MBNL1: variants seen among roughly 807,000 people sequenced by gnomAD.
MBNL1 encodes the protein muscleblind-like protein 1.
A neutral mutation model predicts 42.2 loss-of-function variants in MBNL1; 8 were observed. That is an observed-to-expected ratio of 0.19 (90% CI 0.11 to 0.34). The LOEUF (loss-of-function observed/expected upper bound fraction) is 0.34, where lower values mean the gene tolerates loss of function less well. MBNL1 is among the 10% of genes least tolerant of loss of function. The pLI, the probability that MBNL1 is intolerant of heterozygous loss-of-function variation, is 1.00. For missense variants in MBNL1, 309 were observed against 495.3 expected (o/e 0.62, Z 3.57); for synonymous variants, 169 against 173.9 (o/e 0.97, Z 0.22).
chr3:152,285,392 A>G (rs879269281), intron 1 of MBNL1, among the ~76,000 whole-genome samples: 3 of 152,174 alleles, frequency 2.0e-5, no homozygotes, highest in Non-Finnish European at 2.9e-5. Context: ...AGGGATTTTA[A>G]TGGGTCAGTC....
intron 4 of MBNL1, among the ~76,000 whole-genome samples, chr3:152,435,413 A>G (rs2099065800): frequency 6.6e-6 from 1 of 152,152 alleles, no homozygotes. Context: ...CTTTTTTTGC[A>G]CCAGTACCAT....
At chr3:152,291,619 G>T (rs2056051116) in intron 1 of MBNL1, among the ~76,000 whole-genome samples, 1 of 152,180 alleles carries the variant, frequency 6.6e-6, no homozygotes, top group South Asian at 2.1e-4. Flanking sequence ...CATTGTTTTG[G>T]TGATCTGTTT....
intron 2 of MBNL1, among the ~76,000 whole-genome samples, chr3:152,249,621 A>G (rs1253395665): frequency 6.7e-6 from 1 of 150,294 alleles, no homozygotes; most frequent in Non-Finnish European, 1.5e-5. Context: ...TCTTTAGTTT[A>G]ATTAGATCCC....
intron 2 of MBNL1, among the ~76,000 whole-genome samples, chr3:152,261,639 T>C (rs2036300421): frequency 6.6e-6 from 1 of 152,070 alleles, no homozygotes; most frequent in African/African-American, 2.4e-5. Flanking sequence ...CAAGGCCAGT[T>C]TGGGATTCAC....
chr3:152,313,898 C>T (rs560600311), intron 2 of MBNL1, among the ~76,000 whole-genome samples: 1 of 152,210 alleles, frequency 6.6e-6, no homozygotes, highest in Admixed American at 6.5e-5. Flanking sequence ...ATTGTCTGTA[C>T]CTGAAAATTC....
At chr3:152,328,879 C>T (rs756157571) in intron 2 of MBNL1, among the ~76,000 whole-genome samples, 6 of 152,048 alleles carry the variant, frequency 3.9e-5, no homozygotes, top group Non-Finnish European at 7.4e-5. Flanking sequence ...CTGAACAGCA[C>T]GAAACTTGAC....
intron 2 of MBNL1, among the ~76,000 whole-genome samples, chr3:152,330,545 A>T (rs1022242524): frequency 1.3e-5 from 2 of 152,202 alleles, no homozygotes; most frequent in Non-Finnish European, 2.9e-5. Context: ...ACCTAAGATT[A>T]TTATTTGCTA....
intron 2 of MBNL1, among the ~76,000 whole-genome samples, chr3:152,316,866 CTTT>C (rs1386688311): frequency 2.6e-5 from 4 of 151,732 alleles, no homozygotes; most frequent in Non-Finnish European, 5.9e-5. Flanking sequence ...TCTTTTTCTT[CTTT>C]TATTTATTTA....
At chr3:152,310,055 A>T (rs1274701446) in intron 2 of MBNL1, among the ~76,000 whole-genome samples, 1 of 152,252 alleles carries the variant, frequency 6.6e-6, no homozygotes, top group Admixed American at 6.5e-5. Context: ...GAAGTTTGTT[A>T]TGAAATATTT....
chr3:152,273,748 C>T (rs1430155913), intron 1 of MBNL1, among the ~76,000 whole-genome samples: 1 of 152,118 alleles, frequency 6.6e-6, no homozygotes, highest in Non-Finnish European at 1.5e-5. Flanking sequence ...ATATCATGCT[C>T]ATATGCTCCA....
Position 152,438,485 on chromosome 3 carries a change from C to T in MBNL1, c.549+5565C>T, listed in dbSNP as rs1344768432. ...ATGTTTATCATGTGTTAACATTCTC[C>T]TTGGAAACATGTTTGCATTTTGAGC... On this transcript the variant is annotated intron_variant, in intron 4 of 9. Transcript: ENST00000324210. Among the ~76,000 whole-genome samples, 3 of 152,168 alleles carry T rather than the reference C, an allele frequency of 2.0e-5. No homozygotes were observed. In the East Asian group the frequency reaches 5.8e-4, roughly 29 times the overall value.
chr3:152,455,124 T>C (rs530426382), intron 6 of MBNL1, among the ~76,000 whole-genome samples: 1 of 152,336 alleles, frequency 6.6e-6, no homozygotes, highest in East Asian at 1.9e-4. Context: ...CTTTAGTAAG[T>C]TAATATGTGC....
chr3:152,298,938 C>T (rs1248165207), intron 1 of MBNL1: 1 of 152,226 alleles, frequency 6.6e-6, no homozygotes, highest in Non-Finnish European at 1.5e-5. Context: ...AGTGCTTAGA[C>T]TTGTCTGAGA....
intron 1 of MBNL1, among the ~76,000 whole-genome samples, chr3:152,285,712 T>C (rs1351778845): frequency 1.3e-5 from 2 of 148,410 alleles, no homozygotes; most frequent in Non-Finnish European, 3.0e-5. Context: ...TACTGTGGCC[T>C]CCCGGGCTCA....
chr3:152,289,395 G>C (rs545568581), intron 1 of MBNL1, among the ~76,000 whole-genome samples: 1 of 152,000 alleles, frequency 6.6e-6, no homozygotes, highest in African/African-American at 2.4e-5. Flanking sequence ...AGTTAGATAT[G>C]TGAATTATGT....
At chr3:152,247,772 CT>C (rs1305830563) in intron 2 of MBNL1, among the ~76,000 whole-genome samples, 2 of 151,634 alleles carry the variant, frequency 1.3e-5, no homozygotes, top group African/African-American at 2.4e-5. Context: ...TAGGTTTTAA[CT>C]TTTTATTTAA....
intron 3 of MBNL1, among the ~76,000 whole-genome samples, chr3:152,423,952 A>AC (rs2098847592): frequency 1.3e-5 from 2 of 152,222 alleles, no homozygotes; most frequent in African/African-American, 4.8e-5. Flanking sequence ...GCTATTTATG[A>AC]CAAACCCATA....
intron 2 of MBNL1, among the ~76,000 whole-genome samples, chr3:152,394,903 G>A (rs1257882584): frequency 2.6e-5 from 4 of 152,098 alleles, no homozygotes; most frequent in African/African-American, 7.2e-5. Flanking sequence ...TCTATTGCCA[G>A]AGTGGAGCGC....
At chr3:152,458,212 T>C in intron 8 of MBNL1, 1 of 1,611,448 alleles carries the variant, frequency 6.2e-7, no homozygotes, top group Non-Finnish European at 8.5e-7. Context: ...AGCTTCATTA[T>C]GCTTGGAGCA....
Sources: gnomAD v4.1 joint callset for allele counts (sites outside exome capture counted in the v4.1 genomes callset) on GRCh38, gnomAD v4.1.1 for gene constraint, MANE v1.5 for transcripts, NCBI Gene and HGNC (gene_info 2026-07-23, HGNC 2026-07-21) for gene names.